The following BMPER variants were observed in gnomAD, a reference collection of about 807,000 sequenced individuals.
The protein encoded by BMPER is BMP-binding endothelial regulator protein.
Under a neutral mutation model 87.3 loss-of-function variants are expected in BMPER, and 45 were observed. That is an observed-to-expected ratio of 0.52 (90% CI 0.41 to 0.66). BMPER has a LOEUF of 0.66. Among genes scored for constraint, BMPER ranks in the 30% least tolerant of loss-of-function variants. The probability of loss-of-function intolerance (pLI) is 0.00; values close to 1 mark genes in which losing one functional copy is unlikely to be tolerated. For missense variants in BMPER, 784 were observed against 867.5 expected (o/e 0.90, Z 1.21); for synonymous variants, 326 against 316.2 (o/e 1.03, Z -0.33).
Position 33,913,960 on chromosome 7 carries a change from A to G in BMPER, c.219+7057A>G, listed in dbSNP as rs537395236. 3.9e-4 allele frequency among the ~76,000 whole-genome samples: 52 copies of G among 134,278 alleles called. 2 individuals are homozygous for G. In the South Asian group the frequency reaches 0.013, roughly 33 times the overall value. 88.1% of individuals were successfully genotyped at this position (134,278 alleles called of 152,430 possible). ...GTAATGTATGCTCAGTTTTAGCACA[A>G]TTTTTTTTTTTTTTTTTTTGAGATG... On this transcript the variant is annotated intron_variant, in intron 2 of 14. Coordinates refer to ENST00000649409, the MANE Select transcript of BMPER (RefSeq NM_001365308.1).
intron 14 of BMPER, among the ~76,000 whole-genome samples, chr7:34,147,522 G>T (rs1295618058): frequency 1.3e-5 from 2 of 152,166 alleles, no homozygotes; most frequent in African/African-American, 4.8e-5. Flanking sequence ...CCAGGCTGGA[G>T]TGCAATGGCG....
intron 13 of BMPER, among the ~76,000 whole-genome samples, chr7:34,129,599 AG>A (rs1562761944): frequency 6.2e-4 from 81 of 130,268 alleles, no homozygotes; most frequent in Non-Finnish European, 7.8e-4. Flanking sequence ...AGAGAGAGAG[AG>A]AGAGAGAGAA....
At chr7:34,004,656 G>T (rs1487509955) in intron 6 of BMPER, among the ~76,000 whole-genome samples, 3 of 152,084 alleles carry the variant, frequency 2.0e-5, no homozygotes, top group African/African-American at 7.2e-5. Flanking sequence ...GTCATGTGTG[G>T]CCAGTGACTC....
intron 13 of BMPER, among the ~76,000 whole-genome samples, chr7:34,099,128 C>T (rs925477163): frequency 6.6e-6 from 1 of 152,052 alleles, no homozygotes; most frequent in African/African-American, 2.4e-5. Flanking sequence ...CTGGCAGCAG[C>T]TAAGGGCTTT....
chr7:34,039,613 C>CACAT (rs1040814138), intron 6 of BMPER, among the ~76,000 whole-genome samples: 1 of 150,326 alleles, frequency 6.7e-6, no homozygotes, highest in Non-Finnish European at 1.5e-5. Context: ...TACACACACA[C>CACAT]ACACACACAC....
intron 6 of BMPER, among the ~76,000 whole-genome samples, chr7:34,036,792 T>C (rs1787683192): frequency 2.0e-5 from 3 of 152,136 alleles, no homozygotes; most frequent in Non-Finnish European, 4.4e-5. Context: ...TCAAACAATA[T>C]CGCAGTCTTT....
intron 6 of BMPER, among the ~76,000 whole-genome samples, chr7:34,020,136 A>C (rs965511527): frequency 2.6e-5 from 4 of 151,856 alleles, no homozygotes; most frequent in Non-Finnish European, 4.4e-5. Flanking sequence ...TGAAAGCAAG[A>C]GTTTGGGAAA....
chr7:34,027,185 C>A (rs750861150), intron 6 of BMPER, among the ~76,000 whole-genome samples: 2 of 152,070 alleles, frequency 1.3e-5, no homozygotes, highest in Non-Finnish European at 2.9e-5. Flanking sequence ...GTCAGTGGAC[C>A]CTTGGGAGTC....
intron 14 of BMPER, among the ~76,000 whole-genome samples, chr7:34,150,780 C>T (rs1016078636): frequency 1.3e-5 from 2 of 152,126 alleles, no homozygotes; most frequent in African/African-American, 4.8e-5. Context: ...ATGTTAAACA[C>T]CATACTCCTG....
intron 13 of BMPER, among the ~76,000 whole-genome samples, chr7:34,119,607 G>C (rs1257854784): frequency 6.6e-6 from 1 of 152,130 alleles, no homozygotes. Flanking sequence ...TACTGGACCA[G>C]ACAGTAACAA....
chr7:34,031,660 G>T (rs759184173), intron 6 of BMPER, among the ~76,000 whole-genome samples: 155 of 151,696 alleles, frequency 1.0e-3, no homozygotes, highest in Non-Finnish European at 2.0e-3. Context: ...ACAGTGAGGT[G>T]GGGAAGAGGG....
At chr7:34,069,371 C>G (rs1788680492) in intron 11 of BMPER, among the ~76,000 whole-genome samples, 1 of 152,158 alleles carries the variant, frequency 6.6e-6, no homozygotes, top group Admixed American at 6.5e-5. Context: ...AAAATAAAAG[C>G]AACAAAAATT....
chr7:34,006,781 GT>G (rs138484732), intron 6 of BMPER, among the ~76,000 whole-genome samples: 7,364 of 152,124 alleles, frequency 0.048, 204 homozygotes, highest in African/African-American at 0.07. Context: ...TTTGAGAGAA[GT>G]TCATGAATTT....
At chr7:33,945,821 G>A (rs1424205302) in intron 3 of BMPER, among the ~76,000 whole-genome samples, 6 of 152,148 alleles carry the variant, frequency 3.9e-5, no homozygotes, top group South Asian at 2.1e-4. Context: ...TTATATATGA[G>A]GAAAATGAGG....
intron 6 of BMPER, among the ~76,000 whole-genome samples, chr7:34,046,015 T>TGTAAAAAAAAAAAAAA: frequency 6.6e-6 from 1 of 152,170 alleles, no homozygotes; most frequent in South Asian, 2.1e-4. Flanking sequence ...TTGATCATCC[T>TGTAAAAAAAAAAAAAA]ATACCTACTG....
chr7:33,950,494 C>A (rs1459174540), intron 3 of BMPER, among the ~76,000 whole-genome samples: 1 of 152,164 alleles, frequency 6.6e-6, no homozygotes, highest in Non-Finnish European at 1.5e-5. Context: ...AAGATGTCAT[C>A]CAGGGCTGGT....
chr7:34,079,280 C>T, intron 12 of BMPER, 94 bp downstream of exon 12: 1 of 1,530,440 alleles, frequency 6.5e-7, no homozygotes. Flanking sequence ...AGATGTGGTT[C>T]CTCCTCCGAG....
intron 13 of BMPER, among the ~76,000 whole-genome samples, chr7:34,100,526 G>T (rs2127982521): frequency 6.6e-6 from 1 of 152,282 alleles, no homozygotes; most frequent in East Asian, 1.9e-4. Context: ...CCATCCCAAA[G>T]GCTCTGTGTG....
chr7:33,952,516 C>A (rs1785049532), intron 3 of BMPER, among the ~76,000 whole-genome samples: 1 of 152,066 alleles, frequency 6.6e-6, no homozygotes, highest in Non-Finnish European at 1.5e-5. Flanking sequence ...CATCAGAAAC[C>A]CTGGCAAAGG....
Sources: allele counts gnomAD v4.1 joint callset (sites outside exome capture counted in the v4.1 genomes callset), GRCh38; gene constraint gnomAD v4.1.1; transcripts MANE v1.5; gene names NCBI Gene and HGNC (gene_info 2026-07-23, HGNC 2026-07-21).